Variants in CDS2 observed in about 807,000 individuals in gnomAD.
CDS2 encodes the protein CDP-diacylglycerol synthase 2, also known as phosphatidate cytidylyltransferase 2.
A neutral mutation model predicts 59.0 loss-of-function variants in CDS2; 47 were observed. That is an observed-to-expected ratio of 0.80 (90% CI 0.63 to 1.02). CDS2 has a LOEUF of 1.02. CDS2 is among the 50% of genes least tolerant of loss of function. CDS2 has a pLI of 0.00. For missense variants in CDS2, 356 were observed against 558.9 expected (o/e 0.64, Z 3.66); for synonymous variants, 207 against 206.4 (o/e 1.00, Z -0.02).
In CDS2 at chr20:5,192,826, C is replaced by T. The variant is rs17785402; in HGVS notation, c.*2592C>T. The T allele has an allele frequency of 0.066, 10,026 of 152,380 alleles. 386 individuals are homozygous for T. The highest frequency in any genetic ancestry group is 0.16 in the Middle Eastern group (47 of 296). The allele number at this position is 152,380 out of a possible 1,614,324, so 9.4% of individuals were successfully genotyped here. A position where few individuals can be genotyped will look rare whatever the true frequency, so the allele number is the denominator to read the frequency against. ...CATTCTCACAACAGCCTTCTTACCT[C>T]GGGTGAGAGTCATGAGCACCTTACC... On this transcript the variant is annotated 3_prime_UTR_variant, in exon 13 of 13. Coordinates refer to ENST00000460006, the MANE Select transcript of CDS2 (RefSeq NM_003818.4).
chr20:5,130,403 G>C (rs763439981), intron 1 of CDS2, among the ~76,000 whole-genome samples: 4 of 152,192 alleles, frequency 2.6e-5, no homozygotes, highest in Admixed American at 2.0e-4. Context: ...TAAATTTTAA[G>C]GAAATGCATT....
rs188834351 is a variant in CDS2, at chr20:5,173,041, G to T, written c.58-482G>T. On this transcript the variant is annotated intron_variant, in intron 1 of 12. Coordinates refer to ENST00000460006, the MANE Select transcript of CDS2 (RefSeq NM_003818.4). ...ACTGACTGTGATTGACCTCCTCACA[G>T]AGTGCTCTAGTGAAGTCCGGAAATA... is the stretch of plus-strand genomic sequence containing the variant. Among the ~76,000 whole-genome samples the T allele has an allele frequency of 8.3e-4, 126 of 152,308 alleles. 1 individual carries two copies. The highest frequency in any genetic ancestry group is 3.0e-3 in the African/African-American group (123 of 41,552).
chr20:5,188,506 A>T (rs942008168), intron 10 of CDS2, among the ~76,000 whole-genome samples: 1 of 152,226 alleles, frequency 6.6e-6, no homozygotes, highest in Non-Finnish European at 1.5e-5. Context: ...ATTAACTTAG[A>T]TATTAGAAAT....
chr20:5,146,520 A>G (rs1056805718), intron 1 of CDS2, among the ~76,000 whole-genome samples: 1 of 152,246 alleles, frequency 6.6e-6, no homozygotes, highest in Non-Finnish European at 1.5e-5. Context: ...ACGGTGGCCC[A>G]GATGACAGAT....
chr20:5,141,997 T>C (rs2090698297), intron 1 of CDS2, among the ~76,000 whole-genome samples: 1 of 152,166 alleles, frequency 6.6e-6, no homozygotes, highest in Admixed American at 6.5e-5. Context: ...GTGATAGAGA[T>C]AGATATGAAA....
At chr20:5,153,369 C>T (rs2090808024) in intron 1 of CDS2, among the ~76,000 whole-genome samples, 1 of 152,118 alleles carries the variant, frequency 6.6e-6, no homozygotes, top group Non-Finnish European at 1.5e-5. Flanking sequence ...AGCAAAATGG[C>T]ACCAGTCCCA....
rs563578010 is a variant in CDS2 at position 5,166,328 on chromosome 20, A to G, written c.58-7195A>G. ...CTTGTTCTCTTGAAAATTCGGGGAA[A>G]GGGTACCATTTGCTAAGATAAGTCA... On this transcript the variant is annotated intron_variant, in intron 1 of 12. Transcript: ENST00000460006. Among the ~76,000 whole-genome samples the G allele has an allele frequency of 3.9e-5, 6 of 152,308 alleles. No homozygotes were observed. In the South Asian group the frequency reaches 6.2e-4, roughly 16 times the overall value.
intron 1 of CDS2, among the ~76,000 whole-genome samples, chr20:5,160,088 C>CCA (rs2090865618): frequency 6.6e-6 from 1 of 152,162 alleles, no homozygotes; most frequent in African/African-American, 2.4e-5. Flanking sequence ...GCTGTTTGTG[C>CCA]CACTGCCATT....
At chr20:5,178,755 C>T in intron 4 of CDS2, 62 bp from the exon 5 acceptor site, 1 of 1,589,844 alleles carries the variant, frequency 6.3e-7, no homozygotes, top group Non-Finnish European at 8.6e-7. Context: ...TCTGGGATGT[C>T]TGACTGCCTT....
chr20:5,176,619 G>A lies in CDS2; in HGVS notation c.292-29G>A, dbSNP rs757635456. ...CATTTCCAAAAATCATAAGAATTGG[G>A]GTGTCAGTGAATGTTTTGTGTCCCG... On this transcript the variant is annotated intron_variant, in intron 3 of 12. Transcript: ENST00000460006. The A allele has an allele frequency of 1.9e-5, 29 of 1,530,878 alleles. No individual in the cohort carries two copies. In the Admixed American group the frequency reaches 2.5e-4, roughly 13 times the overall value. The allele number at this position is 1,530,878 out of a possible 1,614,324, so 94.8% of individuals were successfully genotyped here. A position where few individuals can be genotyped will look rare whatever the true frequency, so the allele number is the denominator to read the frequency against.
intron 1 of CDS2, among the ~76,000 whole-genome samples, chr20:5,130,002 C>T (rs1432518498): frequency 6.6e-6 from 1 of 151,406 alleles, no homozygotes; most frequent in African/African-American, 2.4e-5. Flanking sequence ...GACAGAGTTT[C>T]GCTCTTGTTG....
chr20:5,195,536 G>T lies in CDS2; in HGVS notation c.*5302G>T, dbSNP rs2091150796. ...CTGTCTGGTGGTACCTCCACTCTGG[G>T]CAGGGAGGGCCTGTCTGTGACTCGC... On this transcript the variant is annotated 3_prime_UTR_variant, in exon 13 of 13. Transcript: ENST00000460006. 6.6e-6 allele frequency: 1 copy of T among 152,410 alleles called. No individual in the cohort carries two copies. Among genetic ancestry groups the T allele is most frequent in the South Asian group, 2.1e-4 (1 of 4,822 alleles). The allele number at this position is 152,410 out of a possible 1,614,324, so 9.4% of individuals were successfully genotyped here.
At position 5,190,313 on chromosome 20, in the gene CDS2, A is replaced by G. The variant is rs1168219863; in HGVS notation, c.*79A>G. On this transcript the variant is annotated 3_prime_UTR_variant, in exon 13 of 13. Coordinates refer to ENST00000460006, the MANE Select transcript of CDS2 (RefSeq NM_003818.4). The stretch of plus-strand genomic sequence containing the variant: ...AAGGCAAGCCCAGCTGGTGTGACTT[A>G]GACAATGACGAGGCTTCAACTCACT... The G allele has an allele frequency of 2.3e-6, 3 of 1,316,200 alleles. No individual in the cohort carries two copies. Among genetic ancestry groups the G allele is most frequent in the Non-Finnish European group, 3.1e-6 (3 of 964,018 alleles). The allele number at this position is 1,316,200 out of a possible 1,614,324, so 81.5% of individuals were successfully genotyped here. A position where few individuals can be genotyped will look rare whatever the true frequency, so the allele number is the denominator to read the frequency against.
intron 7 of CDS2, 83 bp downstream of exon 7, chr20:5,183,226 C>G (rs892412646): frequency 7.4e-6 from 8 of 1,080,572 alleles, no homozygotes; most frequent in Non-Finnish European, 1.1e-5. Flanking sequence ...CAGTGGCCCT[C>G]ACCTTGAGCC....
At chr20:5,171,547 G>A (rs1026794675) in intron 1 of CDS2, among the ~76,000 whole-genome samples, 8 of 152,190 alleles carry the variant, frequency 5.3e-5, no homozygotes, top group African/African-American at 1.9e-4. Flanking sequence ...CTGGCAACTG[G>A]TGGTTGCCGA....
intron 6 of CDS2, 69 bp downstream of exon 6, chr20:5,182,514 C>G (rs1037509448): frequency 8.0e-6 from 11 of 1,368,006 alleles, no homozygotes; most frequent in Admixed American, 3.7e-5. Context: ...ACTCAACAAG[C>G]CTTTCATGCT....
intron 1 of CDS2, among the ~76,000 whole-genome samples, chr20:5,141,547 A>G (rs376503725): frequency 1.3e-4 from 20 of 152,202 alleles, no homozygotes; most frequent in Admixed American, 5.9e-4. Flanking sequence ...CTCTCCCTAT[A>G]TATCTCTTCA....
At chr20:5,154,330 C>A (rs905623318) in intron 1 of CDS2, among the ~76,000 whole-genome samples, 1 of 152,186 alleles carries the variant, frequency 6.6e-6, no homozygotes, top group South Asian at 2.1e-4. Context: ...GAGCCTTGAC[C>A]TTCTGGGTTC....
At chr20:5,186,978 T>G in intron 10 of CDS2, 139 bp downstream of exon 10, 1 of 887,696 alleles carries the variant, frequency 1.1e-6, no homozygotes, top group East Asian at 2.6e-5. Flanking sequence ...GGAGAATTGC[T>G]CACGCCAGGT....
Sources: gnomAD v4.1 joint callset for allele counts (sites outside exome capture counted in the v4.1 genomes callset) on GRCh38, gnomAD v4.1.1 for gene constraint, MANE v1.5 for transcripts, NCBI Gene and HGNC (gene_info 2026-07-23, HGNC 2026-07-21) for gene names.